Variants in ARHGAP6 observed in about 807,000 individuals in gnomAD.
The protein encoded by ARHGAP6 is Rho GTPase activating protein 6.
A neutral mutation model predicts 55.7 loss-of-function variants in ARHGAP6; 16 were observed. The observed-to-expected ratio is 0.29, with a 90% confidence interval of 0.19 to 0.44. The LOEUF is 0.44. Among genes scored for constraint, ARHGAP6 ranks in the 20% least tolerant of loss-of-function variants. The pLI is 1.00. For missense variants in ARHGAP6, 698 were observed against 808.9 expected (o/e 0.86, Z 1.66); for synonymous variants, 382 against 360.9 (o/e 1.06, Z -0.66).
intron 1 of ARHGAP6, among the ~76,000 whole-genome samples, chrX:11,501,714 A>C (rs2050680673): frequency 8.9e-6 from 1 of 112,055 alleles, no homozygotes; most frequent in Admixed American, 9.5e-5. Context: ...ACAATAAAGT[A>C]GGCTAGAAAA....
At chrX:11,174,574 C>CTTCCTTCCTTTCTTTCTT (rs1569241197) in intron 8 of ARHGAP6, among the ~76,000 whole-genome samples, 6 of 43,539 alleles carry the variant, frequency 1.4e-4, no homozygotes, top group Non-Finnish European at 2.5e-4. Context: ...TCCTTCCTTC[C>CTTCCTTCCTTTCTTTCTT]TTTCTTTCTT....
intron 1 of ARHGAP6, among the ~76,000 whole-genome samples, chrX:11,375,805 T>A (rs759552515): frequency 9.0e-6 from 1 of 111,689 alleles, no homozygotes; most frequent in East Asian, 2.8e-4. Flanking sequence ...AAGAGGAAGC[T>A]AAGAAGGACA....
intron 3 of ARHGAP6, among the ~76,000 whole-genome samples, 167 bp from the exon 4 acceptor site, chrX:11,189,151 G>A (rs757617178): frequency 8.9e-6 from 1 of 112,127 alleles, no homozygotes; most frequent in Admixed American, 9.4e-5. Context: ...AATGGCCCAA[G>A]TTTCCATTTC....
At chrX:11,167,249 A>T (rs1232845433) in intron 9 of ARHGAP6, among the ~76,000 whole-genome samples, 1 of 111,654 alleles carries the variant, frequency 9.0e-6, no homozygotes, top group Non-Finnish European at 1.9e-5. Flanking sequence ...GGGAGTGGCG[A>T]ACATAAACGA....
At chrX:11,637,640 G>A (rs2052432417) in intron 1 of ARHGAP6, among the ~76,000 whole-genome samples, 1 of 111,333 alleles carries the variant, frequency 9.0e-6, no homozygotes, top group African/African-American at 3.3e-5. Flanking sequence ...GGGTCCATGT[G>A]AAAAGCTCAA....
intron 1 of ARHGAP6, among the ~76,000 whole-genome samples, chrX:11,380,342 G>T (rs1202598050): frequency 1.8e-5 from 2 of 111,724 alleles, no homozygotes; most frequent in African/African-American, 6.5e-5. Flanking sequence ...TGTGGTTCCT[G>T]GATTTGTAAT....
Position 11,138,841 on chromosome X carries a change from G to T in ARHGAP6, c.*22C>A, listed in dbSNP as rs774082332. 7 of 1,165,096 alleles carry T rather than the reference G, an allele frequency of 6.0e-6. No individual in the cohort carries two copies. In the Admixed American group the frequency reaches 1.7e-4, roughly 28 times the overall value. ...TGGAGGGCGGGGGGCTCGGGGCAGG[G>T]GGGGCTCGGCTGGGTGCGGGCTCAG... On this transcript the variant is annotated 3_prime_UTR_variant, in exon 13 of 13. Transcript: ENST00000337414.
chrX:11,566,565 T>C (rs1267622399), intron 1 of ARHGAP6, among the ~76,000 whole-genome samples: 1 of 112,555 alleles, frequency 8.9e-6, no homozygotes, highest in Admixed American at 9.4e-5. Flanking sequence ...TAAACTCTTC[T>C]GGAACTTGGT....
At chrX:11,607,500 C>T (rs2052049152) in intron 1 of ARHGAP6, among the ~76,000 whole-genome samples, 1 of 112,070 alleles carries the variant, frequency 8.9e-6, no homozygotes, top group Non-Finnish European at 1.9e-5. Context: ...GAAGGTATTT[C>T]CACCATTATT....
At chrX:11,354,454 G>T (rs1259642171) in intron 1 of ARHGAP6, among the ~76,000 whole-genome samples, 5 of 105,028 alleles carry the variant, frequency 4.8e-5, no homozygotes, top group Non-Finnish European at 7.8e-5. Flanking sequence ...GAGGACTACT[G>T]ATTATAAAAT....
At chrX:11,401,503 T>G (rs775115410) in intron 1 of ARHGAP6, among the ~76,000 whole-genome samples, 12 of 111,322 alleles carry the variant, frequency 1.1e-4, no homozygotes, top group African/African-American at 3.6e-4. Flanking sequence ...ATCTCTGACC[T>G]CTACTTGCTT....
intron 1 of ARHGAP6, among the ~76,000 whole-genome samples, chrX:11,362,931 T>C (rs1014422380): frequency 8.9e-6 from 1 of 111,960 alleles, no homozygotes; most frequent in Admixed American, 9.5e-5. Flanking sequence ...CAGAATGTTT[T>C]TTCTATCTTT....
chrX:11,369,152 C>T (rs2049116193), intron 1 of ARHGAP6, among the ~76,000 whole-genome samples: 1 of 111,420 alleles, frequency 9.0e-6, no homozygotes. Flanking sequence ...TTTTACAGGA[C>T]ATTGTGGTAG....
At chrX:11,308,572 C>A (rs1456027237) in intron 1 of ARHGAP6, among the ~76,000 whole-genome samples, 4 of 111,404 alleles carry the variant, frequency 3.6e-5, no homozygotes, top group Middle Eastern at 4.6e-3. Context: ...AAAGGGCAAC[C>A]TATGCCCTTG....
chrX:11,225,694 G>C (rs1400688400), intron 2 of ARHGAP6: 4 of 661,863 alleles, frequency 6.0e-6, no homozygotes, highest in Non-Finnish European at 9.0e-6. Flanking sequence ...CAACAAAAGA[G>C]ACGGCAACAA....
chrX:11,601,886 A>G (rs2051978874), intron 1 of ARHGAP6, among the ~76,000 whole-genome samples: 1 of 111,982 alleles, frequency 8.9e-6, no homozygotes, highest in East Asian at 2.8e-4. Flanking sequence ...CAACCACAGC[A>G]AAGAAAACAC....
At chrX:11,537,693 T>A (rs1202154428) in intron 1 of ARHGAP6, among the ~76,000 whole-genome samples, 2 of 112,141 alleles carry the variant, frequency 1.8e-5, no homozygotes, top group Non-Finnish European at 3.8e-5. Context: ...GTTACACTCA[T>A]AAATTATTGG....
At chrX:11,300,067 G>A (rs2048150480) in intron 1 of ARHGAP6, among the ~76,000 whole-genome samples, 2 of 111,961 alleles carry the variant, frequency 1.8e-5, no homozygotes, top group Non-Finnish European at 3.8e-5. Context: ...TGAATCCCAA[G>A]TAATCGGTGC....
At chrX:11,450,905 C>T (rs763551328) in intron 1 of ARHGAP6, among the ~76,000 whole-genome samples, 9 of 111,409 alleles carry the variant, frequency 8.1e-5, no homozygotes, top group African/African-American at 2.9e-4. Context: ...AAAATCCTCC[C>T]CCATTTCCCC....
Sources: gnomAD v4.1 joint callset for allele counts (sites outside exome capture counted in the v4.1 genomes callset) on GRCh38, gnomAD v4.1.1 for gene constraint, MANE v1.5 for transcripts, NCBI Gene and HGNC (gene_info 2026-07-23, HGNC 2026-07-21) for gene names.